Variants in CDH18 observed in about 807,000 individuals in gnomAD.
CDH18 encodes cadherin-18.
A neutral mutation model predicts 67.9 loss-of-function variants in CDH18; 31 were observed. The ratio of observed to expected loss-of-function variants is 0.46; its 90% CI spans 0.34 to 0.62. The LOEUF (loss-of-function observed/expected upper bound fraction) is 0.62. Among genes scored for constraint, CDH18 ranks in the 20% least tolerant of loss-of-function variants. CDH18 has a pLI of 0.01. For missense variants in CDH18, 890 were observed against 975.5 expected (o/e 0.91, Z 1.17); for synonymous variants, 362 against 347.2 (o/e 1.04, Z -0.48).
chr5:20,368,501 T>C (rs1429525092), intron 1 of CDH18, among the ~76,000 whole-genome samples: 1 of 152,186 alleles, frequency 6.6e-6, no homozygotes, highest in African/African-American at 2.4e-5. Context: ...TCTAGCATCT[T>C]TTAAATGACA....
At chr5:19,820,147 G>A (rs1779716160) in intron 3 of CDH18, among the ~76,000 whole-genome samples, 1 of 152,154 alleles carries the variant, frequency 6.6e-6, no homozygotes, top group South Asian at 2.1e-4. Context: ...AATGTCTGAT[G>A]TATGGGTTTG....
At chr5:20,572,957 A>C (rs1407984509) in intron 1 of CDH18, among the ~76,000 whole-genome samples, 1 of 152,152 alleles carries the variant, frequency 6.6e-6, no homozygotes, top group Non-Finnish European at 1.5e-5. Flanking sequence ...CTCCTAGCAC[A>C]CTTGTCTTCC....
intron 2 of CDH18, among the ~76,000 whole-genome samples, chr5:20,092,068 A>C (rs1166830288): frequency 6.6e-6 from 1 of 152,152 alleles, no homozygotes; most frequent in Non-Finnish European, 1.5e-5. Context: ...GGATTTCATT[A>C]AGGTAATTGC....
At chr5:19,580,333 A>T (rs1165869509) in intron 7 of CDH18, among the ~76,000 whole-genome samples, 1 of 151,930 alleles carries the variant, frequency 6.6e-6, no homozygotes, top group Admixed American at 6.6e-5. Flanking sequence ...ACTCATAACA[A>T]TTAAGGCAAA....
At chr5:19,498,513 A>G (rs1447544097) in intron 11 of CDH18, among the ~76,000 whole-genome samples, 1 of 152,198 alleles carries the variant, frequency 6.6e-6, no homozygotes, top group Non-Finnish European at 1.5e-5. Flanking sequence ...CTCACAATCC[A>G]TTATCTACAT....
intron 2 of CDH18, among the ~76,000 whole-genome samples, chr5:19,933,024 T>C (rs1324782801): frequency 6.6e-6 from 1 of 151,658 alleles, no homozygotes; most frequent in Non-Finnish European, 1.5e-5. Context: ...CCTAATACCT[T>C]ATAGGTATAT....
chr5:20,448,501 A>G (rs570596664), intron 1 of CDH18, among the ~76,000 whole-genome samples: 55 of 152,302 alleles, frequency 3.6e-4, no homozygotes, highest in Admixed American at 3.4e-3. Flanking sequence ...ATTAGATTCT[A>G]TATTAGAAAA....
intron 2 of CDH18, among the ~76,000 whole-genome samples, chr5:20,198,159 G>T (rs955397657): frequency 6.6e-6 from 1 of 152,164 alleles, no homozygotes; most frequent in Admixed American, 6.5e-5. Flanking sequence ...AATTGTTACT[G>T]AGTAATGGGG....
chr5:20,347,637 C>T (rs1177304502), intron 1 of CDH18, among the ~76,000 whole-genome samples: 1 of 152,192 alleles, frequency 6.6e-6, no homozygotes, highest in Non-Finnish European at 1.5e-5. Flanking sequence ...AGGCACAATT[C>T]ATCAAAATAA....
chr5:19,735,527 C>G (rs535785779), intron 4 of CDH18, among the ~76,000 whole-genome samples: 1 of 151,984 alleles, frequency 6.6e-6, no homozygotes, highest in Middle Eastern at 3.4e-3. Flanking sequence ...TCCCAAGTAG[C>G]TGGGACCACA....
intron 4 of CDH18, among the ~76,000 whole-genome samples, chr5:19,734,559 A>G (rs1399758043): frequency 6.6e-6 from 1 of 152,190 alleles, no homozygotes; most frequent in East Asian, 1.9e-4. Context: ...CTCGGATTGC[A>G]CAGATTAAAA....
intron 5 of CDH18, among the ~76,000 whole-genome samples, chr5:19,684,521 A>G (rs1760789381): frequency 6.6e-6 from 1 of 150,936 alleles, no homozygotes; most frequent in South Asian, 2.1e-4. Context: ...TATGTACAGA[A>G]ATAATAAAAT....
intron 5 of CDH18, among the ~76,000 whole-genome samples, chr5:19,626,825 T>C (rs1036263680): frequency 2.0e-5 from 3 of 152,216 alleles, no homozygotes; most frequent in Non-Finnish European, 4.4e-5. Context: ...AATAGTGATA[T>C]GCTGGAATTA....
At chr5:19,489,547 A>G (rs779673825) in intron 11 of CDH18, among the ~76,000 whole-genome samples, 2 of 151,932 alleles carry the variant, frequency 1.3e-5, no homozygotes, top group Non-Finnish European at 2.9e-5. Flanking sequence ...GCGCCTGGCC[A>G]ATATTTGTTC....
At chr5:20,249,636 C>T (rs373920487) in intron 2 of CDH18, among the ~76,000 whole-genome samples, 2 of 152,126 alleles carry the variant, frequency 1.3e-5, no homozygotes, top group African/African-American at 2.4e-5. Flanking sequence ...TCCCAAAGTG[C>T]TGAGATTACA....
At chr5:20,427,288 T>C (rs1241835741) in intron 1 of CDH18, among the ~76,000 whole-genome samples, 1 of 151,114 alleles carries the variant, frequency 6.6e-6, no homozygotes, top group African/African-American at 2.5e-5. Flanking sequence ...AATTATACAG[T>C]AGAGAAAATG....
intron 2 of CDH18, among the ~76,000 whole-genome samples, chr5:20,160,358 G>A (rs948403117): frequency 6.6e-6 from 1 of 152,100 alleles, no homozygotes; most frequent in Admixed American, 6.6e-5. Flanking sequence ...ACCATCATGA[G>A]CAATACATAG....
chr5:19,491,827 G>C (rs1428585565), intron 11 of CDH18, among the ~76,000 whole-genome samples: 1 of 151,638 alleles, frequency 6.6e-6, no homozygotes, highest in Admixed American at 6.6e-5. Context: ...TAAAGCCAAA[G>C]AAAACAGTAA....
chr5:20,427,278 A>T (rs1302896953), intron 1 of CDH18, among the ~76,000 whole-genome samples: 1 of 151,248 alleles, frequency 6.6e-6, no homozygotes, highest in Non-Finnish European at 1.5e-5. Flanking sequence ...ATTTTAGAAT[A>T]ATTATACAGT....
Sources: allele counts gnomAD v4.1 joint callset (sites outside exome capture counted in the v4.1 genomes callset), GRCh38; gene constraint gnomAD v4.1.1; transcripts MANE v1.5; gene names NCBI Gene and HGNC (gene_info 2026-07-23, HGNC 2026-07-21).